The following NKAIN3 variants were observed in gnomAD, a reference collection of about 807,000 sequenced individuals.
The protein encoded by NKAIN3 is sodium/potassium transporting ATPase interacting 3.
In NKAIN3, 25 loss-of-function variants were observed where a neutral mutation model predicts 30.2. The observed-to-expected ratio is 0.83, with a 90% CI of 0.60 to 1.16. NKAIN3 has a LOEUF of 1.16. Among genes scored for constraint, NKAIN3 ranks in the 50% most tolerant of loss-of-function variants. NKAIN3 has a pLI of 0.00. For missense variants in NKAIN3, 225 were observed against 254.1 expected, an observed-to-expected ratio of 0.89 and a Z score of 0.78; for synonymous variants, 91 against 89.6, an observed-to-expected ratio of 1.02 and a Z score of -0.09.
intron 4 of NKAIN3, among the ~76,000 whole-genome samples, chr8:62,796,431 A>T (rs1308825722): frequency 6.7e-6 from 1 of 148,720 alleles, no homozygotes; most frequent in Admixed American, 6.7e-5. Flanking sequence ...TGAATGCTAG[A>T]TACTGCATCC....
intron 1 of NKAIN3, among the ~76,000 whole-genome samples, chr8:62,394,242 T>C (rs1187584892): frequency 6.6e-6 from 1 of 151,316 alleles, no homozygotes; most frequent in African/African-American, 2.5e-5. Context: ...CCATTTCTCA[T>C]TACATTTTTT....
chr8:62,950,368 G>A (rs28625566), intron 5 of NKAIN3, among the ~76,000 whole-genome samples: 17,598 of 152,064 alleles, frequency 0.12, 1,198 homozygotes, highest in East Asian at 0.25. Flanking sequence ...CTCACCTTGA[G>A]GACTTGGTGG....
At chr8:62,819,045 T>C (rs80307828) in intron 4 of NKAIN3, among the ~76,000 whole-genome samples, 1 of 151,408 alleles carries the variant, frequency 6.6e-6, no homozygotes, top group Non-Finnish European at 1.5e-5. Context: ...GGATGGATAG[T>C]AAGAAATTAT....
rs746531342 is a variant in NKAIN3, at chr8:62,834,985, C to T, written c.472-83468C>T. 3.3e-5 allele frequency among the ~76,000 whole-genome samples: 5 copies of T among 151,924 alleles called. 1 individual carries two copies. In the Middle Eastern group the frequency reaches 0.01, roughly 310 times the overall value. On this transcript the variant is annotated intron_variant, in intron 4 of 6. Transcript: ENST00000623646. The stretch of plus-strand genomic sequence containing the variant: ...TGGTACTGGTACAAAAACAGACAGA[C>T]CAATGGAACTGAATAGAGAACCCAA...
intron 3 of NKAIN3, among the ~76,000 whole-genome samples, chr8:62,723,605 A>T (rs993293917): frequency 1.6e-4 from 24 of 152,210 alleles, no homozygotes; most frequent in South Asian, 1.2e-3. Context: ...ACTTATTTTT[A>T]AAAAAATTAC....
chr8:62,953,645 A>T (rs1414891007), intron 5 of NKAIN3, among the ~76,000 whole-genome samples: 1 of 152,202 alleles, frequency 6.6e-6, no homozygotes, highest in East Asian at 1.9e-4. Flanking sequence ...ATGCTATTTA[A>T]TATTACTTCA....
intron 3 of NKAIN3, among the ~76,000 whole-genome samples, chr8:62,678,599 A>T (rs1813551882): frequency 1.3e-5 from 2 of 151,780 alleles, no homozygotes; most frequent in African/African-American, 4.8e-5. Flanking sequence ...AGTCATTTCA[A>T]ACATATTAGT....
chr8:62,434,493 G>A (rs768342952), intron 1 of NKAIN3, among the ~76,000 whole-genome samples: 16 of 152,046 alleles, frequency 1.1e-4, no homozygotes, highest in South Asian at 2.1e-4. Context: ...TCAGACCAGC[G>A]TTTATCTTAA....
chr8:62,282,126 C>T (rs1436736023), intron 1 of NKAIN3, among the ~76,000 whole-genome samples: 5 of 152,024 alleles, frequency 3.3e-5, no homozygotes, highest in Non-Finnish European at 5.9e-5. Context: ...ACTCTCAAGC[C>T]GACCCCAGAC....
intron 1 of NKAIN3, among the ~76,000 whole-genome samples, chr8:62,255,349 A>G (rs1812232593): frequency 6.6e-6 from 1 of 152,214 alleles, no homozygotes; most frequent in Admixed American, 6.5e-5. Flanking sequence ...AAGGTGCCAC[A>G]TGAAGACTGA....
chr8:62,970,394 C>A lies in NKAIN3; in HGVS notation c.*4987C>A, dbSNP rs1442910057. Among the ~76,000 whole-genome samples, 2 of 152,072 alleles carry A rather than the reference C, an allele frequency of 1.3e-5. No individual in the cohort carries two copies. Among genetic ancestry groups the A allele is most frequent in the African/African-American group, 2.4e-5 (1 of 41,416 alleles). On this transcript the variant is annotated 3_prime_UTR_variant, in exon 7 of 7. Coordinates refer to ENST00000623646, the MANE Select transcript of NKAIN3 (RefSeq NM_001304533.3). ...AAGACTAAAAAGAAAAATGCCACTT[C>A]TTGAAGGTGGATACAGCTTCTTAAA...
chr8:62,259,078 A>G (rs1187200611), intron 1 of NKAIN3, among the ~76,000 whole-genome samples: 3 of 152,176 alleles, frequency 2.0e-5, no homozygotes, highest in Admixed American at 6.5e-5. Flanking sequence ...TTGGCTTTAC[A>G]TGTTGAGAGT....
At chr8:62,306,005 GTGTA>G (rs1814225308) in intron 1 of NKAIN3, among the ~76,000 whole-genome samples, 1 of 150,326 alleles carries the variant, frequency 6.7e-6, no homozygotes, top group South Asian at 2.1e-4. Context: ...ACTGCTTTCA[GTGTA>G]TTCCATTTTC....
chr8:62,461,654 T>C (rs913002508), intron 1 of NKAIN3, among the ~76,000 whole-genome samples: 1 of 152,156 alleles, frequency 6.6e-6, no homozygotes, highest in South Asian at 2.1e-4. Flanking sequence ...ATAGAAATTC[T>C]GAAGTTGAAA....
intron 1 of NKAIN3, among the ~76,000 whole-genome samples, chr8:62,501,302 T>A (rs1554540245): frequency 6.6e-6 from 1 of 152,162 alleles, no homozygotes; most frequent in Non-Finnish European, 1.5e-5. Context: ...CTCATGACCT[T>A]ATTAAATCCT....
intron 1 of NKAIN3, among the ~76,000 whole-genome samples, chr8:62,285,197 G>A (rs1473488963): frequency 6.6e-6 from 1 of 152,132 alleles, no homozygotes; most frequent in African/African-American, 2.4e-5. Context: ...AAACGTCACT[G>A]TAAAATGGAG....
At chr8:62,254,842 G>A (rs1178540153) in intron 1 of NKAIN3, among the ~76,000 whole-genome samples, 1 of 152,140 alleles carries the variant, frequency 6.6e-6, no homozygotes, top group Non-Finnish European at 1.5e-5. Flanking sequence ...GTTTAGTAAA[G>A]TACTAAGCAG....
chr8:62,622,416 T>C (rs1811645050), intron 3 of NKAIN3, among the ~76,000 whole-genome samples: 1 of 152,068 alleles, frequency 6.6e-6, no homozygotes, highest in Admixed American at 6.6e-5. Context: ...AATGTATGAG[T>C]GATCTAGTTT....
chr8:62,756,590 G>T (rs754647559), intron 4 of NKAIN3, among the ~76,000 whole-genome samples: 1 of 151,988 alleles, frequency 6.6e-6, no homozygotes, highest in Non-Finnish European at 1.5e-5. Flanking sequence ...TCTACATAAC[G>T]TCATATGTTC....
Sources: allele counts gnomAD v4.1 joint callset (sites outside exome capture counted in the v4.1 genomes callset), GRCh38; gene constraint gnomAD v4.1.1; transcripts MANE v1.5; gene names NCBI Gene and HGNC (gene_info 2026-07-23, HGNC 2026-07-21).